The following GRIA1 variants were observed in gnomAD, a reference collection of about 807,000 sequenced individuals.
GRIA1 encodes the protein glutamate ionotropic receptor AMPA type subunit 1, also known as glutamate receptor 1.
GRIA1 carries 31 observed loss-of-function variants against 99.2 expected under a neutral mutation model. That is an observed-to-expected ratio of 0.31 (90% CI 0.23 to 0.42). The LOEUF is 0.42. Ranked by LOEUF, GRIA1 falls within the 10% of genes least tolerant of loss-of-function variation. GRIA1 has a pLI of 1.00. For missense variants in GRIA1, 782 were observed against 1,157.5 expected, an observed-to-expected ratio of 0.68 and a Z score of 4.71; for synonymous variants, 438 against 432.4, an observed-to-expected ratio of 1.01 and a Z score of -0.16.
chr5:153,588,877 A>G (rs372431081), intron 2 of GRIA1, among the ~76,000 whole-genome samples: 2 of 152,284 alleles, frequency 1.3e-5, no homozygotes, highest in African/African-American at 4.8e-5. Flanking sequence ...CAATATCTTC[A>G]GCTCCTTCCT....
At chr5:153,506,856 C>T (rs973747040) in intron 2 of GRIA1, among the ~76,000 whole-genome samples, 3 of 152,164 alleles carry the variant, frequency 2.0e-5, no homozygotes, top group Admixed American at 6.5e-5. Flanking sequence ...GACATGGTGG[C>T]TCACACCTGT....
chr5:153,553,254 G>A (rs1309895031), intron 2 of GRIA1, among the ~76,000 whole-genome samples: 7 of 152,222 alleles, frequency 4.6e-5, no homozygotes, highest in Non-Finnish European at 5.9e-5. Context: ...GATGGTAGAT[G>A]TGTTACTGGT....
At chr5:153,795,408 C>T (rs1321987316) in intron 14 of GRIA1, 21 of 833,428 alleles carry the variant, frequency 2.5e-5, no homozygotes, top group Non-Finnish European at 4.0e-5. Flanking sequence ...TGAATGAATA[C>T]TGTCTGTGCT....
rs1383392411 is a variant in GRIA1, at chr5:153,812,249, T to C, written c.*1024T>C. The C allele has an allele frequency of 6.6e-6, 1 of 152,100 alleles. No homozygotes were observed. The highest frequency in any genetic ancestry group is 1.5e-5 in the Non-Finnish European group (1 of 68,024). The allele number at this position is 152,100 out of a possible 1,614,324, so 9.4% of individuals were successfully genotyped here. A position where few individuals can be genotyped will look rare whatever the true frequency, so the allele number is the denominator to read the frequency against. On this transcript the variant is annotated 3_prime_UTR_variant, in exon 16 of 16. Coordinates refer to ENST00000285900, the MANE Select transcript of GRIA1 (RefSeq NM_000827.4). ...ACCCATTGTGGAGTAGACTCTCTTCTTCTATGGAGCCTCTGACATGGGGAG... is the reference window on the plus strand; with the variant it reads ...ACCCATTGTGGAGTAGACTCTCTTCCTCTATGGAGCCTCTGACATGGGGAG...
intron 2 of GRIA1, among the ~76,000 whole-genome samples, chr5:153,624,226 C>G (rs775406574): frequency 3.3e-5 from 5 of 152,202 alleles, no homozygotes; most frequent in Non-Finnish European, 7.3e-5. Context: ...GTCCCAAGGT[C>G]AGAGCTATTT....
At chr5:153,531,095 T>C (rs1256777613) in intron 2 of GRIA1, among the ~76,000 whole-genome samples, 1 of 152,106 alleles carries the variant, frequency 6.6e-6, no homozygotes, top group Non-Finnish European at 1.5e-5. Flanking sequence ...AAGATGAGAA[T>C]GGTAAGTGAG....
chr5:153,803,340 G>T (rs745688648), intron 15 of GRIA1, among the ~76,000 whole-genome samples: 7 of 152,166 alleles, frequency 4.6e-5, no homozygotes, highest in Non-Finnish European at 8.8e-5. Context: ...GATCTTCAAG[G>T]CCCCTCAACA....
At chr5:153,791,292 TAGAAA>T (rs1765289234) in intron 13 of GRIA1, among the ~76,000 whole-genome samples, 1 of 150,952 alleles carries the variant, frequency 6.6e-6, no homozygotes, top group African/African-American at 2.4e-5. Flanking sequence ...AAAAAATTAA[TAGAAA>T]AGAAAAGAAA....
At chr5:153,774,100 G>A (rs1302924163) in intron 13 of GRIA1, among the ~76,000 whole-genome samples, 2 of 69,622 alleles carry the variant, frequency 2.9e-5, no homozygotes, top group African/African-American at 1.2e-4. Context: ...ACACACTCCA[G>A]CCAAGTTTCC....
chr5:153,701,802 CT>C, intron 10 of GRIA1, among the ~76,000 whole-genome samples: 1 of 152,014 alleles, frequency 6.6e-6, no homozygotes, highest in East Asian at 1.9e-4. Flanking sequence ...CATTTGGAGG[CT>C]TCCAAATTTA....
intron 15 of GRIA1, among the ~76,000 whole-genome samples, chr5:153,810,104 T>C (rs969594358): frequency 9.2e-5 from 14 of 152,212 alleles, no homozygotes; most frequent in African/African-American, 3.4e-4. Flanking sequence ...ACGATATGGT[T>C]CTAGACCTTT....
At chr5:153,490,552 G>T, upstream of GRIA1, 1 of 396,454 alleles carries the variant, frequency 2.5e-6, no homozygotes, top group Non-Finnish European at 4.7e-6. Context: ...GTGAGTGTGA[G>T]GGGGAGAGCG....
chr5:153,725,692 A>G (rs1760469042), intron 11 of GRIA1, among the ~76,000 whole-genome samples: 1 of 107,774 alleles, frequency 9.3e-6, no homozygotes, highest in South Asian at 4.8e-4. Flanking sequence ...AGAGCTAACT[A>G]TCCTAAATAT....
intron 13 of GRIA1, among the ~76,000 whole-genome samples, chr5:153,783,861 A>C (rs770499186): frequency 6.6e-6 from 1 of 152,236 alleles, no homozygotes; most frequent in Non-Finnish European, 1.5e-5. Context: ...CAGTGGGACC[A>C]GAAGGCTCAG....
At chr5:153,799,378 A>C (rs964442522) in intron 14 of GRIA1, among the ~76,000 whole-genome samples, 1 of 152,212 alleles carries the variant, frequency 6.6e-6, no homozygotes, top group Non-Finnish European at 1.5e-5. Flanking sequence ...TGAGACAAAG[A>C]GAGTCAGTAA....
At chr5:153,763,328 T>C (rs1763304848) in intron 11 of GRIA1, among the ~76,000 whole-genome samples, 1 of 152,026 alleles carries the variant, frequency 6.6e-6, no homozygotes, top group Admixed American at 6.5e-5. Context: ...GACTCTTGGG[T>C]TTCTTGGTAA....
intron 2 of GRIA1, among the ~76,000 whole-genome samples, chr5:153,577,859 G>A (rs1762696797): frequency 6.6e-6 from 1 of 151,936 alleles, no homozygotes; most frequent in Admixed American, 6.6e-5. Flanking sequence ...ATAATTGTAA[G>A]ATAAAGATTC....
intron 15 of GRIA1, among the ~76,000 whole-genome samples, chr5:153,810,218 GGCACT>G (rs1316447591): frequency 6.6e-6 from 1 of 152,160 alleles, no homozygotes; most frequent in Non-Finnish European, 1.5e-5. Flanking sequence ...CAAGCTTAGT[GGCACT>G]GATCTGATAT....
chr5:153,708,375 T>G (rs576090964), intron 11 of GRIA1, among the ~76,000 whole-genome samples: 1 of 152,282 alleles, frequency 6.6e-6, no homozygotes, highest in South Asian at 2.1e-4. Context: ...ATTTTCAAAC[T>G]ATGCTTTCCG....
Sources: gnomAD v4.1 joint callset for allele counts (sites outside exome capture counted in the v4.1 genomes callset) on GRCh38, gnomAD v4.1.1 for gene constraint, MANE v1.5 for transcripts, NCBI Gene and HGNC (gene_info 2026-07-23, HGNC 2026-07-21) for gene names.